Variants in SUSD4 observed in about 807,000 individuals in gnomAD.
The protein encoded by SUSD4 is sushi domain-containing protein 4.
SUSD4 carries 41 observed loss-of-function variants against 50.5 expected under a neutral mutation model. The ratio of observed to expected loss-of-function variants is 0.81; its 90% confidence interval spans 0.63 to 1.05. The LOEUF is 1.05. SUSD4 is among the 50% of genes least tolerant of loss of function. SUSD4 has a pLI of 0.00. For synonymous variants in SUSD4, 257 were observed against 257.3 expected, an observed-to-expected ratio of 1.00 and a Z score of 0.01; for missense variants, 580 against 634.7, an observed-to-expected ratio of 0.91 and a Z score of 0.93.
At chr1:223,234,955 G>T (rs767827614) in intron 5 of SUSD4, 1 of 1,580,672 alleles carries the variant, frequency 6.3e-7, no homozygotes, top group African/African-American at 1.4e-5. Flanking sequence ...ACAACATTTA[G>T]AACAGAGATG....
At chr1:223,318,786 A>G (rs1241923969) in intron 2 of SUSD4, among the ~76,000 whole-genome samples, 4 of 149,222 alleles carry the variant, frequency 2.7e-5, no homozygotes, top group Non-Finnish European at 5.9e-5. Context: ...CTTTCTTCAC[A>G]GAATTGGAAA....
At chr1:223,300,159 A>G (rs911882771) in intron 2 of SUSD4, among the ~76,000 whole-genome samples, 1 of 152,170 alleles carries the variant, frequency 6.6e-6, no homozygotes, top group Non-Finnish European at 1.5e-5. Context: ...CCTGGCCTGC[A>G]GTACCCCCTG....
intron 3 of SUSD4, among the ~76,000 whole-genome samples, chr1:223,276,406 T>C (rs1037418820): frequency 1.1e-4 from 17 of 152,312 alleles, no homozygotes; most frequent in African/African-American, 4.1e-4. Context: ...AGGCAGCTGG[T>C]TCAGGAGTAA....
chr1:223,338,641 G>A (rs1014950741), intron 2 of SUSD4, among the ~76,000 whole-genome samples: 2 of 152,250 alleles, frequency 1.3e-5, no homozygotes, highest in African/African-American at 2.4e-5. Context: ...AGCTGGAAGA[G>A]AGGCTGGATA....
At chr1:223,264,034 A>G (rs957839892) in intron 5 of SUSD4, 3 of 985,328 alleles carry the variant, frequency 3.0e-6, no homozygotes, top group African/African-American at 3.5e-5. Context: ...AAGTGTTTAC[A>G]GGCTTTTCCC....
chr1:223,361,674 T>C (rs1392649078), intron 2 of SUSD4, among the ~76,000 whole-genome samples: 2 of 152,116 alleles, frequency 1.3e-5, no homozygotes, highest in African/African-American at 4.8e-5. Flanking sequence ...CCAATAACAA[T>C]AGTCAAGACA....
intron 2 of SUSD4, among the ~76,000 whole-genome samples, chr1:223,356,621 T>C (rs543106930): frequency 8.5e-5 from 13 of 152,104 alleles, no homozygotes; most frequent in Admixed American, 3.9e-4. Context: ...AACTAGATTT[T>C]CATCTACAGC....
chr1:223,293,433 A>G (rs1419120062), intron 2 of SUSD4, among the ~76,000 whole-genome samples: 3 of 151,892 alleles, frequency 2.0e-5, no homozygotes, highest in Non-Finnish European at 4.4e-5. Context: ...AAGTCCTATG[A>G]CTCCATCCTG....
At chr1:223,280,990 A>G (rs1288474374) in intron 3 of SUSD4, among the ~76,000 whole-genome samples, 1 of 152,138 alleles carries the variant, frequency 6.6e-6, no homozygotes, top group Non-Finnish European at 1.5e-5. Flanking sequence ...AATGACTACT[A>G]GTTACATAAC....
Position 223,227,555 on chromosome 1 carries a change from T to G in SUSD4, c.1061+39A>C, listed in dbSNP as rs1175408914. ...TGCTGCTAAGGGTAGCTGCATTGAG[T>G]CAGACCTTGAGCCACAGCTGCCAAG... On this transcript the variant is annotated intron_variant, in intron 7 of 8. Transcript: ENST00000366878. This position sits in a 1 kb window ranked among gnomAD's most constrained non-coding sequence, Gnocchi z 4.5. The G allele has an allele frequency of 6.2e-7, 1 of 1,604,874 alleles. No homozygotes were observed. The highest frequency in any genetic ancestry group is 8.5e-7 in the Non-Finnish European group (1 of 1,173,044).
intron 3 of SUSD4, among the ~76,000 whole-genome samples, chr1:223,272,652 G>A (rs1396209310): frequency 6.6e-6 from 1 of 152,136 alleles, no homozygotes; most frequent in African/African-American, 2.4e-5. Context: ...CCCCAAAACT[G>A]TTCCCAGGAA....
Position 223,284,040 on chromosome 1 carries a change from G to A in SUSD4, c.361+8399C>T, listed in dbSNP as rs192989835. ...GGTGGGAACTGAACAATGAGAACAC[G>A]TGGACACAGGAAGGGAAACATCACA... On this transcript the variant is annotated intron_variant, in intron 3 of 8. Coordinates refer to ENST00000366878, the MANE Select transcript of SUSD4 (RefSeq NM_017982.4). Among the ~76,000 whole-genome samples the A allele has an allele frequency of 4.3e-4, 64 of 150,164 alleles. No homozygotes were observed. In the East Asian group the frequency reaches 0.01, roughly 24 times the overall value.
chr1:223,290,367 T>C (rs1664410034), intron 3 of SUSD4, among the ~76,000 whole-genome samples: 1 of 152,236 alleles, frequency 6.6e-6, no homozygotes, highest in Admixed American at 6.5e-5. Flanking sequence ...TTAACAATCA[T>C]GACTTTCTCT....
intron 2 of SUSD4, 118 bp from the exon 3 acceptor site, chr1:223,292,769 C>T (rs1571992854): frequency 9.5e-7 from 1 of 1,050,618 alleles, no homozygotes; most frequent in East Asian, 2.6e-5. Context: ...TCCAGTTACC[C>T]CACCACCAAA....
rs564212551 is a variant in SUSD4 at position 223,256,737 on chromosome 1, C to T, written c.724+7893G>A. Among the ~76,000 whole-genome samples the T allele has an allele frequency of 9.1e-4, 138 of 152,298 alleles. 1 individual carries two copies. The highest frequency in any genetic ancestry group is 3.3e-3 in the African/African-American group (137 of 41,562). On this transcript the variant is annotated intron_variant, in intron 5 of 8. Transcript: ENST00000366878. ...GAAGGAGCCTCTAAGATCAACCCTTCCAACTCCTTTCCATTCTGTCTGAGG... is the reference window on the plus strand; with the variant it reads ...GAAGGAGCCTCTAAGATCAACCCTTTCAACTCCTTTCCATTCTGTCTGAGG...
At chr1:223,269,492 C>T (rs1662760092) in intron 3 of SUSD4, among the ~76,000 whole-genome samples, 3 of 152,204 alleles carry the variant, frequency 2.0e-5, no homozygotes, top group South Asian at 2.1e-4. Context: ...GTGCAGGCCA[C>T]GCCACCCCTT....
chr1:223,274,420 A>T (rs1428883245), intron 3 of SUSD4, among the ~76,000 whole-genome samples: 1 of 152,210 alleles, frequency 6.6e-6, no homozygotes, highest in Non-Finnish European at 1.5e-5. Context: ...TGTTTCTTTC[A>T]TATTTAAAGG....
intron 2 of SUSD4, among the ~76,000 whole-genome samples, chr1:223,325,035 C>A (rs1218638567): frequency 2.6e-5 from 4 of 152,044 alleles, no homozygotes; most frequent in African/African-American, 7.3e-5. Flanking sequence ...CTTCATTTTG[C>A]CAAGTGGGGG....
intron 5 of SUSD4, among the ~76,000 whole-genome samples, chr1:223,250,187 A>T (rs1409772585): frequency 6.6e-6 from 1 of 152,274 alleles, no homozygotes; most frequent in Non-Finnish European, 1.5e-5. Flanking sequence ...TGTCAACAGA[A>T]ATAGTAATAC....
Sources: allele counts gnomAD v4.1 joint callset (sites outside exome capture counted in the v4.1 genomes callset), GRCh38; gene constraint gnomAD v4.1.1; non-coding constraint Gnocchi (gnomAD v3.1); transcripts MANE v1.5; gene names NCBI Gene and HGNC (gene_info 2026-07-23, HGNC 2026-07-21).